TESK2: variants seen among roughly 807,000 people sequenced by gnomAD.
The protein encoded by TESK2 is dual specificity testis-specific protein kinase 2.
Under a neutral mutation model 57.1 loss-of-function variants are expected in TESK2, and 39 were observed. The observed-to-expected ratio is 0.68, with a 90% CI of 0.53 to 0.89. TESK2 has a LOEUF of 0.89. TESK2 is among the 40% of genes least tolerant of loss of function. TESK2 has a pLI of 0.00. For synonymous variants in TESK2, 249 were observed against 267.9 expected (o/e 0.93, Z 0.69); for missense variants, 646 against 732.1 (o/e 0.88, Z 1.36).
chr1:45,432,697 A>T (rs113166771), intron 2 of TESK2, among the ~76,000 whole-genome samples: 2 of 151,600 alleles, frequency 1.3e-5, no homozygotes, highest in African/African-American at 4.8e-5. Flanking sequence ...TCTCAAAAAA[A>T]AAAGATATAT....
At chr1:45,406,696 TCTTCACCTTTA>T (rs904684780) in intron 3 of TESK2, among the ~76,000 whole-genome samples, 4 of 152,080 alleles carry the variant, frequency 2.6e-5, no homozygotes, top group Admixed American at 2.0e-4. Flanking sequence ...ACCCAACTCC[TCTTCACCTTTA>T]CTACCACCAT....
chr1:45,353,549 T>TTC (rs1647291795), intron 5 of TESK2, among the ~76,000 whole-genome samples: 1 of 152,210 alleles, frequency 6.6e-6, no homozygotes, highest in Admixed American at 6.5e-5. Flanking sequence ...TCCCCTCCCC[T>TTC]TCATCTGGGG....
chr1:45,453,470 T>C (rs1274417108), intron 2 of TESK2, among the ~76,000 whole-genome samples: 1 of 151,926 alleles, frequency 6.6e-6, no homozygotes. Context: ...AAATGGTGCT[T>C]GTAAAATTTG....
chr1:45,428,829 T>TTC (rs1009992066), intron 2 of TESK2, among the ~76,000 whole-genome samples: 2 of 137,116 alleles, frequency 1.5e-5, no homozygotes, highest in Non-Finnish European at 3.1e-5. Context: ...TTTTTTTTTT[T>TTC]TTTTTTTTTT....
intron 4 of TESK2, among the ~76,000 whole-genome samples, chr1:45,372,974 G>A: frequency 6.8e-6 from 1 of 147,256 alleles, no homozygotes; most frequent in Non-Finnish European, 1.5e-5. Context: ...GTTGCGGTGA[G>A]CCGAGATCAC....
rs1020113395 is a variant in TESK2, at chr1:45,491,123, A to G, written c.-358T>C. On this transcript the variant is annotated 5_prime_UTR_variant, in exon 1 of 11. Transcript: ENST00000372086. Reference sequence around the variant, plus strand: ...GGACGATCCGACCAGCGAAGCCAACAGGGCAGCTGGTAGCTCTGCTGAGCT... The same window carrying G: ...GGACGATCCGACCAGCGAAGCCAACGGGGCAGCTGGTAGCTCTGCTGAGCT... The G allele has an allele frequency of 6.6e-6, 1 of 152,254 alleles. No individual in the cohort carries two copies. Among genetic ancestry groups the G allele is most frequent in the Non-Finnish European group, 1.5e-5 (1 of 68,078 alleles). The allele number at this position is 152,254 out of a possible 1,614,324, so 9.4% of individuals were successfully genotyped here.
chr1:45,417,871 G>C (rs78178673), intron 3 of TESK2, among the ~76,000 whole-genome samples: 5 of 152,262 alleles, frequency 3.3e-5, no homozygotes, highest in African/African-American at 7.2e-5. Context: ...GATTACAGGC[G>C]TGAGCCACCG....
At chr1:45,440,109 A>C (rs1206259403) in intron 2 of TESK2, among the ~76,000 whole-genome samples, 2 of 151,898 alleles carry the variant, frequency 1.3e-5, no homozygotes, top group Admixed American at 6.6e-5. Flanking sequence ...GCACCAGTAC[A>C]CCTGGCTAAC....
intron 4 of TESK2, among the ~76,000 whole-genome samples, chr1:45,371,125 A>G (rs980928688): frequency 6.6e-6 from 1 of 152,088 alleles, no homozygotes; most frequent in African/African-American, 2.4e-5. Flanking sequence ...GAGGATGTGG[A>G]GAAACTGGAA....
rs1358691584 is a variant in TESK2 at position 45,345,270 on chromosome 1, T to A, written c.1286A>T (p.Asp429Val). ...AGTTCCGGGCCCTGGTGCATCCAGGTCAAATACCAGAGAGATGACAGACTT... is the reference window on the plus strand; with the variant it reads ...AGTTCCGGGCCCTGGTGCATCCAGGACAAATACCAGAGAGATGACAGACTT... ...PSKSVISLVFDLDAPGPGTMP... is the reference protein window; with the variant it reads ...PSKSVISLVFVLDAPGPGTMP... The change falls in exon 11 of 11, where the codon GAC becomes GTC. Residue 429 changes from aspartate (D) to valine (V), a missense_variant. Physicochemically the swap from Asp to Val is radical, Grantham distance 152. Transcript: ENST00000372086. The A allele has an allele frequency of 6.8e-6, 11 of 1,614,120 alleles. No individual in the cohort carries two copies. Among genetic ancestry groups the A allele is most frequent in the Non-Finnish European group, 9.3e-6 (11 of 1,180,006 alleles).
intron 2 of TESK2, among the ~76,000 whole-genome samples, chr1:45,438,779 C>A (rs995001704): frequency 6.6e-6 from 1 of 151,986 alleles, no homozygotes; most frequent in Non-Finnish European, 1.5e-5. Flanking sequence ...TGAGAATATG[C>A]AGTATTTGGT....
chr1:45,472,641 C>T (rs1028756415), intron 1 of TESK2, among the ~76,000 whole-genome samples: 1 of 151,802 alleles, frequency 6.6e-6, no homozygotes, highest in Non-Finnish European at 1.5e-5. Context: ...ACTAGAATCC[C>T]TCCCATGTTT....
At chr1:45,487,580 A>G (rs2149310433) in intron 1 of TESK2, among the ~76,000 whole-genome samples, 1 of 152,294 alleles carries the variant, frequency 6.6e-6, no homozygotes, top group Non-Finnish European at 1.5e-5. Context: ...TGGGCTGTCC[A>G]ATTATATATT....
intron 5 of TESK2, among the ~76,000 whole-genome samples, chr1:45,352,790 C>T (rs147124690): frequency 0.011 from 1,694 of 152,224 alleles, 16 homozygotes; most frequent in Non-Finnish European, 0.018. Context: ...TTGTCACAAA[C>T]TCCTTCTATC....
chr1:45,349,087 C>T (rs1391028631), intron 5 of TESK2, among the ~76,000 whole-genome samples: 2 of 151,658 alleles, frequency 1.3e-5, no homozygotes, highest in Non-Finnish European at 2.9e-5. Context: ...CACAGAAACA[C>T]TTCTGGAGCC....
chr1:45,403,724 A>G (rs1172223127), intron 3 of TESK2, among the ~76,000 whole-genome samples: 2 of 152,198 alleles, frequency 1.3e-5, no homozygotes. Flanking sequence ...TTGCTTACAA[A>G]TATTAGAACA....
chr1:45,379,088 A>G (rs1031148068), intron 4 of TESK2, among the ~76,000 whole-genome samples: 1 of 152,204 alleles, frequency 6.6e-6, no homozygotes, highest in Non-Finnish European at 1.5e-5. Context: ...ACACACAAAA[A>G]AATAAGAAGC....
chr1:45,354,815 AATATATATAT>A lies in TESK2; in HGVS notation c.540+478_540+487del, dbSNP rs199613712. ...AAAAAAAAAAAAAAAAAAAAAAAAA[AATATATATAT>A]ATATATATATATATATATATATATG... On this transcript the variant is annotated intron_variant, in intron 5 of 10. Coordinates refer to ENST00000372086, the MANE Select transcript of TESK2 (RefSeq NM_007170.3). 7.6e-3 allele frequency among the ~76,000 whole-genome samples: 310 copies of A among 40,634 alleles called. 3 individuals are homozygous for A. The highest frequency in any genetic ancestry group is 8.7e-3 in the Non-Finnish European group (228 of 26,122). The allele number at this position is 40,634 out of a possible 152,430, so 26.7% of individuals were successfully genotyped here.
At chr1:45,478,994 G>A (rs530899718) in intron 1 of TESK2, among the ~76,000 whole-genome samples, 59 of 152,270 alleles carry the variant, frequency 3.9e-4, no homozygotes, top group African/African-American at 1.4e-3. Flanking sequence ...AAAGTGCTGG[G>A]ATTACAGGGG....
Sources: allele counts gnomAD v4.1 joint callset (sites outside exome capture counted in the v4.1 genomes callset), GRCh38; gene constraint gnomAD v4.1.1; transcripts MANE v1.5; gene names NCBI Gene and HGNC (gene_info 2026-07-23, HGNC 2026-07-21).